Variants in GGCX observed in about 807,000 individuals in gnomAD.
GGCX encodes vitamin K-dependent gamma-carboxylase.
A neutral mutation model predicts 88.5 loss-of-function variants in GGCX; 63 were observed. That is an observed-to-expected ratio of 0.71 (90% CI 0.58 to 0.88). GGCX has a LOEUF of 0.88. GGCX is among the 40% of genes least tolerant of loss of function. The pLI, the probability that GGCX is intolerant of heterozygous loss-of-function variation, is 0.00. For synonymous variants in GGCX, 368 were observed against 365.8 expected, an observed-to-expected ratio of 1.01 and a Z score of -0.07; for missense variants, 805 against 932.9, an observed-to-expected ratio of 0.86 and a Z score of 1.79.
intron 14 of GGCX, 119 bp downstream of exon 14, chr2:85,550,436 G>A (rs1364373426): frequency 9.0e-6 from 7 of 774,484 alleles, no homozygotes; most frequent in Non-Finnish European, 1.6e-5. Context: ...GGCAGGAAAA[G>A]ATACCTAGAG....
At chr2:85,556,302 T>C (rs778575933) in intron 4 of GGCX, 42 bp from the exon 5 acceptor site, 50 of 1,153,548 alleles carry the variant, frequency 4.3e-5, no homozygotes, top group Non-Finnish European at 6.3e-5. Flanking sequence ...AGCTGCTTAA[T>C]GCAGCTACAT....
intron 12 of GGCX, 55 bp from the exon 13 acceptor site, chr2:85,551,127 T>G: frequency 6.6e-7 from 1 of 1,510,370 alleles, no homozygotes; most frequent in Non-Finnish European, 9.2e-7. Flanking sequence ...AGCCAGCTTA[T>G]GGCCTCCCTA....
chr2:85,547,713 C>T lies in GGCX; in HGVS notation c.*2221G>A, dbSNP rs1691744863. The T allele has an allele frequency of 6.6e-6, 1 of 152,032 alleles. No homozygotes were observed. The highest frequency in any genetic ancestry group is 2.4e-5 in the African/African-American group (1 of 41,370). 9.4% of individuals were successfully genotyped at this position (152,032 alleles called of 1,614,324 possible). A position where few individuals can be genotyped will look rare whatever the true frequency, so the allele number is the denominator to read the frequency against. The stretch of plus-strand genomic sequence containing the variant: ...CATTCTTACAAAGTAATCAGGGGAC[C>T]CTGTGCCACAGCCATTGCTTGCCCA... On this transcript the variant is annotated 3_prime_UTR_variant, in exon 15 of 15. Coordinates refer to ENST00000233838, the MANE Select transcript of GGCX (RefSeq NM_000821.7).
intron 10 of GGCX, 146 bp downstream of exon 10, chr2:85,552,270 A>G: frequency 3.5e-6 from 3 of 852,620 alleles, no homozygotes; most frequent in East Asian, 5.0e-5. Context: ...GGAAGCAACC[A>G]GCTATGCCCA....
chr2:85,551,864 G>C lies in GGCX; in HGVS notation c.1557C>G (p.Ile519Met). 1 of 1,613,950 alleles carries C rather than the reference G, an allele frequency of 6.2e-7. No individual in the cohort carries two copies. The highest frequency in any genetic ancestry group is 8.5e-7 in the Non-Finnish European group (1 of 1,179,796). ...CAGTGTGGTTGTCTAGGCTGCTCTTGATTTCCTGTAACTTGGCCCTCCAGG... is the reference window on the plus strand; with the variant it reads ...CAGTGTGGTTGTCTAGGCTGCTCTTCATTTCCTGTAACTTGGCCCTCCAGG... ...LSPWRAKLQEIKSSLDNHTEV... is the reference protein window; with the variant it reads ...LSPWRAKLQEMKSSLDNHTEV... Residue 519 changes from isoleucine to methionine, a missense_variant, in exon 11 of 15, where the codon ATC becomes ATG. Transcript: ENST00000233838.
At chr2:85,551,132 T>A in intron 12 of GGCX, 60 bp from the exon 13 acceptor site, 1 of 1,473,342 alleles carries the variant, frequency 6.8e-7, no homozygotes, top group Non-Finnish European at 9.5e-7. Flanking sequence ...GCTTATGGCC[T>A]CCCTACTCTA....
rs773437736 is a variant in GGCX, at chr2:85,553,236, G to C, written c.1151C>G (p.Thr384Ser). The change falls in exon 8 of 15, where the codon ACC becomes AGC. Residue 384 changes from threonine (T) to serine (S), a missense_variant. Physicochemically the swap from Thr to Ser is moderately conservative, Grantham distance 58. Around this residue, in one of 3 missense-constraint regions of GGCX, gnomAD observed 680 missense variants for 763.7 expected, o/e 0.89. Transcript: ENST00000233838. ...CACTCCACAGCCCCTACAAACCTGG[G>C]TGAGAAAATGAGAATAGGGCAGGAA... ...QLFLPYSHFL[T>S]QGYNNWTNGL... 4 of 1,614,220 alleles carry C rather than the reference G, an allele frequency of 2.5e-6. 1 individual carries two copies. In the South Asian group the frequency reaches 4.4e-5, roughly 18 times the overall value.
In GGCX at chr2:85,547,399, C is replaced by G. The variant is rs1176943887; in HGVS notation, c.*2535G>C. The G allele has an allele frequency of 6.6e-6, 1 of 152,136 alleles. No individual in the cohort carries two copies. The highest frequency in any genetic ancestry group is 1.5e-5 in the Non-Finnish European group (1 of 68,016). 9.4% of individuals were successfully genotyped at this position (152,136 alleles called of 1,614,324 possible). On this transcript the variant is annotated 3_prime_UTR_variant, in exon 15 of 15. Transcript: ENST00000233838. The stretch of plus-strand genomic sequence containing the variant: ...TACCCCACTGAACAGCTTTTATTAC[C>G]AGTATTTACATGACCACTTTTTCTT...
chr2:85,551,932 G>C lies in GGCX; in HGVS notation c.1489C>G (p.Gln497Glu). The change falls in exon 11 of 15, where the codon CAG (glutamine) becomes GAG (glutamate). Residue 497 changes from glutamine to glutamate, a missense_variant. Physicochemically the swap from Gln to Glu is conservative, Grantham distance 29. This residue lies in a region of GGCX where 680 missense variants were observed against 763.7 expected (regional missense o/e 0.89). Coordinates refer to ENST00000233838, the MANE Select transcript of GGCX (RefSeq NM_000821.7). Reference sequence around the variant, plus strand: ...AGTGGTTGCACCCAGGATGTGCGCTGAAAGGGTGACCAAGCGGCCTGCACG... The same window carrying C: ...AGTGGTTGCACCCAGGATGTGCGCTCAAAGGGTGACCAAGCGGCCTGCACG... ...DIVQAAWSPF[Q>E]RTSWVQPLLM... The C allele has an allele frequency of 6.2e-7, 1 of 1,613,910 alleles. No individual in the cohort carries two copies. Among genetic ancestry groups the C allele is most frequent in the Admixed American group, 1.7e-5 (1 of 60,020 alleles).
chr2:85,559,195 G>A, intron 2 of GGCX, 120 bp from the exon 3 acceptor site: 3 of 832,952 alleles, frequency 3.6e-6, no homozygotes, highest in Middle Eastern at 3.4e-4. Flanking sequence ...TCTTGGCTCT[G>A]CCATTTATTC....
rs1692166154 is a variant in GGCX at position 85,555,392 on chromosome 2, G to T, written c.725+92C>A. Reference sequence around the variant, plus strand: ...AAAGGAAGGCATGTGGCAAATTCAGGCAAAGTAGGAACAGGTGCCATTACT... The same window carrying T: ...AAAGGAAGGCATGTGGCAAATTCAGTCAAAGTAGGAACAGGTGCCATTACT... On this transcript the variant is annotated intron_variant, in intron 6 of 14. Coordinates refer to ENST00000233838, the MANE Select transcript of GGCX (RefSeq NM_000821.7). 8.0e-6 allele frequency: 6 copies of T among 749,118 alleles called. No homozygotes were observed. The Admixed American group carries it at 1.2e-4, about 14-fold the overall frequency. The allele number at this position is 749,118 out of a possible 1,614,324, so 46.4% of individuals were successfully genotyped here. A position where few individuals can be genotyped will look rare whatever the true frequency, so the allele number is the denominator to read the frequency against.
rs1691813951 is a variant in GGCX at position 85,549,310 on chromosome 2, C to T, written c.*624G>A. 1 of 158,088 alleles carries T rather than the reference C, an allele frequency of 6.3e-6. No homozygotes were observed. Among genetic ancestry groups the T allele is most frequent in the East Asian group, 1.9e-4 (1 of 5,342 alleles). The allele number at this position is 158,088 out of a possible 1,614,324, so 9.8% of individuals were successfully genotyped here. On this transcript the variant is annotated 3_prime_UTR_variant, in exon 15 of 15. Transcript: ENST00000233838. ...CGCGGTGTGTTGCACATAGCAAACA[C>T]TTGGGAACAGTTAGCTATTCATCGT... is the stretch of plus-strand genomic sequence containing the variant.
chr2:85,556,421 TGATTATACA>T (rs1692205313), intron 4 of GGCX, among the ~76,000 whole-genome samples, 161 bp from the exon 5 acceptor site: 1 of 152,222 alleles, frequency 6.6e-6, no homozygotes, highest in Non-Finnish European at 1.5e-5. Context: ...AATTCTAACA[TGATTATACA>T]AGTCATAGAA....
chr2:85,561,298 G>A, intron 1 of GGCX, 88 bp downstream of exon 1: 1 of 546,192 alleles, frequency 1.8e-6, no homozygotes, highest in South Asian at 2.1e-5. Context: ...CCGCCTCACC[G>A]GGAGACACTG....
chr2:85,553,680 A>C, intron 7 of GGCX, 183 bp from the exon 8 acceptor site: 7 of 608,632 alleles, frequency 1.2e-5, no homozygotes. Context: ...GCTCACTGCA[A>C]CCTCTGCCTC....
intron 12 of GGCX, 151 bp from the exon 13 acceptor site, chr2:85,551,223 C>T: frequency 1.2e-6 from 1 of 837,828 alleles, no homozygotes; most frequent in South Asian, 1.4e-5. Context: ...AGGCTCTTCA[C>T]AGTCCCAGGG....
chr2:85,555,445 C>G (rs1692168595), intron 6 of GGCX, 39 bp downstream of exon 6: 2 of 1,003,352 alleles, frequency 2.0e-6, no homozygotes, highest in African/African-American at 1.6e-5. Flanking sequence ...TGCTCTGTAC[C>G]CATGCCTCAA....
chr2:85,551,900 C>T lies in GGCX; in HGVS notation c.1521G>A (p.Met507Ile), dbSNP rs1691970930. The T allele has an allele frequency of 6.2e-7, 1 of 1,613,156 alleles. No individual in the cohort carries two copies. Among genetic ancestry groups the T allele is most frequent in the Non-Finnish European group, 8.5e-7 (1 of 1,179,196 alleles). ...ACTTGGCCCTCCAGGGAGACAGGTC[C>T]ATCAAGAGTGGTTGCACCCAGGATG... Reference protein sequence around the residue: ...QRTSWVQPLLMDLSPWRAKLQ... With the variant: ...QRTSWVQPLLIDLSPWRAKLQ... Residue 507 changes from methionine (M) to isoleucine (I), a missense_variant, in exon 11 of 15, where the codon ATG becomes ATA. Met to Ile is a conservative substitution (Grantham distance 10, BLOSUM62 1). Transcript: ENST00000233838.
rs200774203 is a variant in GGCX, at chr2:85,553,311, C to T, written c.1076G>A (p.Arg359His). 135 of 1,614,038 alleles carry T rather than the reference C, an allele frequency of 8.4e-5. No homozygotes were observed. The highest frequency in any genetic ancestry group is 1.1e-4 in the Non-Finnish European group (128 of 1,179,982). The part of the protein sequence containing the change: ...RGKSGQKPGL[R>H]HQLGAAFTLL... Reference sequence around the variant, plus strand: ...GGTGAAGGCAGCTCCCAGCTGATGGCGCAGCCCTGGCTTCTGGCCACTTTT... The same window carrying T: ...GGTGAAGGCAGCTCCCAGCTGATGGTGCAGCCCTGGCTTCTGGCCACTTTT... Residue 359 changes from arginine (R) to histidine (H), a missense_variant, in exon 8 of 15, where the codon CGC becomes CAC. Physicochemically the swap from Arg to His is conservative, Grantham distance 29. This residue lies in a region of GGCX where 680 missense variants were observed against 763.7 expected (regional missense o/e 0.89). Coordinates refer to ENST00000233838, the MANE Select transcript of GGCX (RefSeq NM_000821.7).
Sources: gnomAD v4.1 joint callset for allele counts (sites outside exome capture counted in the v4.1 genomes callset) on GRCh38, gnomAD v4.1.1 for gene constraint, gnomAD v4.1.1 regional missense constraint, MANE v1.5 for transcripts, NCBI Gene and HGNC (gene_info 2026-07-23, HGNC 2026-07-21) for gene names.